INTS4: variants seen among roughly 807,000 people sequenced by gnomAD.
INTS4 encodes the protein MSTP093.
Under a neutral mutation model 119.5 loss-of-function variants are expected in INTS4, and 70 were observed. The observed-to-expected ratio is 0.59, with a 90% CI of 0.48 to 0.71. The LOEUF (loss-of-function observed/expected upper bound fraction) is 0.71. Among genes scored for constraint, INTS4 ranks in the 30% least tolerant of loss-of-function variants. The probability of loss-of-function intolerance (pLI) is 0.00; values close to 1 mark genes in which losing one functional copy is unlikely to be tolerated. For missense variants in INTS4, 867 were observed against 1,173.2 expected, an observed-to-expected ratio of 0.74 and a Z score of 3.81; for synonymous variants, 316 against 419.6, an observed-to-expected ratio of 0.75 and a Z score of 3.02.
chr11:77,975,761 T>C (rs773707820), intron 4 of INTS4, among the ~76,000 whole-genome samples: 7 of 151,850 alleles, frequency 4.6e-5, no homozygotes, highest in African/African-American at 1.7e-4. Flanking sequence ...ATCGAGACCA[T>C]CCTGGCTAAC....
intron 15 of INTS4, among the ~76,000 whole-genome samples, chr11:77,909,440 T>G (rs1020903683): frequency 6.6e-6 from 1 of 152,244 alleles, no homozygotes; most frequent in Admixed American, 6.5e-5. Flanking sequence ...CATTTCCTCA[T>G]AGGTTGCACC....
At chr11:77,889,313 G>A (rs1461766953) in intron 21 of INTS4, among the ~76,000 whole-genome samples, 2 of 150,194 alleles carry the variant, frequency 1.3e-5, no homozygotes. Context: ...ACCAAACACC[G>A]CATGTTCTCA....
chr11:77,964,934 G>C (rs1227988806), intron 4 of INTS4, among the ~76,000 whole-genome samples: 3 of 152,126 alleles, frequency 2.0e-5, no homozygotes, highest in African/African-American at 7.2e-5. Context: ...TATAGTCATA[G>C]TTATATATAT....
At chr11:77,946,530 G>A (rs1486317025) in intron 8 of INTS4, among the ~76,000 whole-genome samples, 3 of 152,140 alleles carry the variant, frequency 2.0e-5, no homozygotes, top group Non-Finnish European at 4.4e-5. Context: ...GGGAGGCCAA[G>A]ACAGCCAGAA....
intron 4 of INTS4, among the ~76,000 whole-genome samples, chr11:77,973,731 A>G (rs1855826482): frequency 6.6e-6 from 1 of 152,140 alleles, no homozygotes. Context: ...TTTATCCTCG[A>G]TAGTGTATTA....
chr11:77,987,709 A>T, intron 2 of INTS4: 1 of 440,530 alleles, frequency 2.3e-6, no homozygotes, highest in Non-Finnish European at 4.6e-6. Context: ...CTACAAAAAA[A>T]ATTAAAAAGA....
chr11:77,994,393 A>G (rs552656580), intron 1 of INTS4, among the ~76,000 whole-genome samples, 197 bp downstream of exon 1: 2 of 152,318 alleles, frequency 1.3e-5, no homozygotes, highest in Admixed American at 1.3e-4. Flanking sequence ...TTTTTTTAAA[A>G]TCCTGTCAGA....
chr11:77,965,462 C>T (rs1024850482), intron 4 of INTS4, among the ~76,000 whole-genome samples: 1 of 152,134 alleles, frequency 6.6e-6, no homozygotes, highest in African/African-American at 2.4e-5. Context: ...ACTTTATAAC[C>T]TTTGATCAGC....
chr11:77,894,838 C>T (rs1231989440), intron 18 of INTS4, among the ~76,000 whole-genome samples: 3 of 152,216 alleles, frequency 2.0e-5, no homozygotes, highest in South Asian at 2.1e-4. Context: ...TCACTGCACT[C>T]AATGAAGCCT....
chr11:77,935,845 G>A (rs551896340), intron 10 of INTS4, among the ~76,000 whole-genome samples: 135 of 147,950 alleles, frequency 9.1e-4, no homozygotes, highest in African/African-American at 3.3e-3. Flanking sequence ...GCAGCGAGCC[G>A]TGACTGTACC....
intron 15 of INTS4, among the ~76,000 whole-genome samples, chr11:77,909,143 A>T (rs1418452024): frequency 6.6e-6 from 1 of 152,252 alleles, no homozygotes; most frequent in Non-Finnish European, 1.5e-5. Context: ...CATTAGCAGC[A>T]TACTGTAACT....
chr11:77,892,629 C>T (rs1952323983), intron 19 of INTS4, among the ~76,000 whole-genome samples: 1 of 152,134 alleles, frequency 6.6e-6, no homozygotes, highest in African/African-American at 2.4e-5. Flanking sequence ...ATTGCCCGGG[C>T]TGGTGTGCAA....
intron 4 of INTS4, among the ~76,000 whole-genome samples, chr11:77,962,280 C>T (rs757871327): frequency 1.2e-4 from 18 of 152,170 alleles, no homozygotes; most frequent in Non-Finnish European, 2.2e-4. Flanking sequence ...GAGATACTGC[C>T]TCCAAAAAAG....
chr11:77,970,478 G>T (rs1472757754), intron 4 of INTS4, among the ~76,000 whole-genome samples: 1 of 151,992 alleles, frequency 6.6e-6, no homozygotes, highest in South Asian at 2.1e-4. Context: ...GAACAGCTGG[G>T]TCCTATGGTA....
rs749237779 is a variant in INTS4, at chr11:77,938,791, A to C, written c.1025T>G (p.Leu342Arg). The part of the protein sequence containing the change: ...KRTAHERAKE[L>R]YSSGEFSSGR... ...ACTGGAAAACTCCCCCGAACTGTAA[A>C]GTTCCTTGGCACGCTCATGTGCAGT... is the stretch of plus-strand genomic sequence containing the variant. The change falls in exon 10 of 23, where the codon CTT (leucine) becomes CGT (arginine). Residue 342 changes from leucine to arginine, a missense_variant. Physicochemically the swap from Leu to Arg is moderately radical, Grantham distance 102. Transcript: ENST00000534064. 6.2e-7 allele frequency: 1 copy of C among 1,611,892 alleles called. No individual in the cohort carries two copies. Among genetic ancestry groups the C allele is most frequent in the Non-Finnish European group, 8.5e-7 (1 of 1,179,856 alleles).
chr11:77,900,939 G>A (rs1952759672), intron 18 of INTS4, among the ~76,000 whole-genome samples: 1 of 152,120 alleles, frequency 6.6e-6, no homozygotes, highest in Non-Finnish European at 1.5e-5. Context: ...TTTGTACAGG[G>A]AAACAAGGTA....
chr11:77,977,851 T>C (rs1856012256), intron 4 of INTS4: 1 of 151,534 alleles, frequency 6.6e-6, no homozygotes, highest in Non-Finnish European at 1.5e-5. Context: ...CCCACACACA[T>C]AATCCCTAGT....
At chr11:77,957,605 A>T (rs1954361280) in intron 7 of INTS4, among the ~76,000 whole-genome samples, 1 of 151,256 alleles carries the variant, frequency 6.6e-6, no homozygotes, top group African/African-American at 2.4e-5. Flanking sequence ...ATTATCAAAA[A>T]CTAGCTTCCA....
chr11:77,911,105 G>A (rs559135326), intron 15 of INTS4: 23 of 1,276,334 alleles, frequency 1.8e-5, no homozygotes, highest in East Asian at 5.6e-5. Flanking sequence ...GTAACGTTAC[G>A]ATAGTTAACG....
Sources: gnomAD v4.1 joint callset for allele counts (sites outside exome capture counted in the v4.1 genomes callset) on GRCh38, gnomAD v4.1.1 for gene constraint, MANE v1.5 for transcripts, NCBI Gene and HGNC (gene_info 2026-07-23, HGNC 2026-07-21) for gene names.